CRACDL: variants seen among roughly 807,000 people sequenced by gnomAD.
CRACDL encodes CRACD-like protein.
Under a neutral mutation model 70.6 loss-of-function variants are expected in CRACDL, and 26 were observed. That is an observed-to-expected ratio of 0.37 (90% confidence interval 0.27 to 0.51). CRACDL has a LOEUF of 0.51. CRACDL is among the 20% of genes least tolerant of loss of function. The pLI is 0.94. For missense variants in CRACDL, 1,283 were observed against 1,376.9 expected (o/e 0.93, Z 1.08); for synonymous variants, 618 against 615.2 (o/e 1.00, Z -0.07).
intron 6 of CRACDL, among the ~76,000 whole-genome samples, chr2:98,826,335 A>G (rs1705300554): frequency 6.6e-6 from 1 of 152,102 alleles, no homozygotes; most frequent in African/African-American, 2.4e-5. Context: ...TAATTCACTC[A>G]TTTGTTTGTT....
Position 98,930,532 on chromosome 2 carries a change from C to T in CRACDL, c.-11+5406G>A, listed in dbSNP as rs1257920342. 3.4e-5 allele frequency among the ~76,000 whole-genome samples: 5 copies of T among 146,684 alleles called. 1 individual carries two copies. The highest frequency in any genetic ancestry group is 1.3e-4 in the African/African-American group (5 of 39,322). On this transcript the variant is annotated intron_variant, in intron 1 of 9. Coordinates refer to ENST00000397899, the MANE Select transcript of CRACDL (RefSeq NM_207362.3). ...TCCATCCCCATCCCCACCCTCTGTC[C>T]TGTGTCCCCTACTGCATCTCTGACC...
At chr2:98,881,333 G>A (rs1023634173) in intron 1 of CRACDL, among the ~76,000 whole-genome samples, 13 of 152,156 alleles carry the variant, frequency 8.5e-5, no homozygotes, top group Admixed American at 5.9e-4. Context: ...CAGGCTCCCC[G>A]CAGACTGGGG....
intron 1 of CRACDL, among the ~76,000 whole-genome samples, chr2:98,934,409 G>T (rs796127587): frequency 4.6e-5 from 7 of 151,838 alleles, no homozygotes; most frequent in Non-Finnish European, 7.4e-5. Context: ...TGGCCAGACT[G>T]GTCACGAACT....
chr2:98,817,022 A>T (rs1704810095), intron 7 of CRACDL, among the ~76,000 whole-genome samples: 1 of 152,244 alleles, frequency 6.6e-6, no homozygotes, highest in African/African-American at 2.4e-5. Flanking sequence ...ATTCAGCCTT[A>T]AAAAGGAAGG....
chr2:98,897,219 T>TGAC (rs1379673190), intron 1 of CRACDL, among the ~76,000 whole-genome samples: 4 of 152,224 alleles, frequency 2.6e-5, no homozygotes, highest in Non-Finnish European at 5.9e-5. Flanking sequence ...TATGTAACAT[T>TGAC]TTGAGACTGG....
chr2:98,928,113 A>C (rs1204695492), intron 1 of CRACDL, among the ~76,000 whole-genome samples: 1 of 152,060 alleles, frequency 6.6e-6, no homozygotes, highest in East Asian at 1.9e-4. Flanking sequence ...TGAACCCAGG[A>C]GGTGGAGGTT....
At chr2:98,928,550 G>A (rs1053989306) in intron 1 of CRACDL, among the ~76,000 whole-genome samples, 2 of 152,046 alleles carry the variant, frequency 1.3e-5, no homozygotes, top group East Asian at 1.9e-4. Flanking sequence ...GGCCATGTCT[G>A]GTCTATAGGG....
At chr2:98,796,426 C>A (rs957248814) in intron 8 of CRACDL, among the ~76,000 whole-genome samples, 162 bp from the exon 9 acceptor site, 4 of 152,252 alleles carry the variant, frequency 2.6e-5, no homozygotes, top group Non-Finnish European at 5.9e-5. Flanking sequence ...ACCGAGTGGT[C>A]AGATGCTGGC....
At chr2:98,863,836 T>C (rs1391820056) in intron 1 of CRACDL, among the ~76,000 whole-genome samples, 1 of 152,172 alleles carries the variant, frequency 6.6e-6, no homozygotes, top group Non-Finnish European at 1.5e-5. Context: ...AGATTCCACC[T>C]ATATGAGGTA....
intron 8 of CRACDL, among the ~76,000 whole-genome samples, chr2:98,796,824 G>T (rs1703843431): frequency 6.6e-6 from 1 of 152,120 alleles, no homozygotes; most frequent in African/African-American, 2.4e-5. Flanking sequence ...TGTTTGGGTT[G>T]GTGAAAGCTG....
At chr2:98,807,666 C>T (rs1442670824) in intron 7 of CRACDL, among the ~76,000 whole-genome samples, 1 of 152,214 alleles carries the variant, frequency 6.6e-6, no homozygotes, top group African/African-American at 2.4e-5. Context: ...TTCTTATTTA[C>T]TAAATAGAAT....
chr2:98,839,567 G>T lies in CRACDL; in HGVS notation c.71-1280C>A, dbSNP rs189297373. Among the ~76,000 whole-genome samples the T allele has an allele frequency of 4.7e-3, 714 of 152,242 alleles. 1 individual carries two copies. The highest frequency in any genetic ancestry group is 0.015 in the African/African-American group (636 of 41,532). On this transcript the variant is annotated intron_variant, in intron 2 of 9. Coordinates refer to ENST00000397899, the MANE Select transcript of CRACDL (RefSeq NM_207362.3). ...AAAAATGCTGCTTACAGCATTAATG[G>T]TCTCCTCAAGTGTAACTGGCAGAGC...
chr2:98,807,918 C>G (rs1409600141), intron 7 of CRACDL, among the ~76,000 whole-genome samples: 2 of 152,150 alleles, frequency 1.3e-5, no homozygotes, highest in Non-Finnish European at 2.9e-5. Context: ...AGAGTCTCAG[C>G]AAGATGCTAT....
chr2:98,823,548 T>G lies in CRACDL; in HGVS notation c.736-11A>C. Reference sequence around the variant, plus strand: ...TTCAGACTGAGCGCGCTGAGAGAAATAAAGATAAAAAGCATCGTCGCTATA... The same window carrying G: ...TTCAGACTGAGCGCGCTGAGAGAAAGAAAGATAAAAAGCATCGTCGCTATA... On this transcript the variant is annotated splice_polypyrimidine_tract_variant and intron_variant, in intron 6 of 9. Coordinates refer to ENST00000397899, the MANE Select transcript of CRACDL (RefSeq NM_207362.3). The surrounding 1 kb of genome is among the most constrained non-coding windows in gnomAD (Gnocchi z 4.0). 2 of 1,558,194 alleles carry G rather than the reference T, an allele frequency of 1.3e-6. No individual in the cohort carries two copies. Among genetic ancestry groups the G allele is most frequent in the Non-Finnish European group, 1.7e-6 (2 of 1,159,368 alleles).
At chr2:98,889,331 GAAAGA>G (rs1558624652) in intron 1 of CRACDL, among the ~76,000 whole-genome samples, 3 of 104,208 alleles carry the variant, frequency 2.9e-5, no homozygotes, top group Non-Finnish European at 3.9e-5. Context: ...AAGAAAGAAA[GAAAGA>G]AAGAAAGGAA....
intron 1 of CRACDL, among the ~76,000 whole-genome samples, chr2:98,866,468 A>ACTT (rs201619236): frequency 2.0e-5 from 2 of 99,686 alleles, no homozygotes; most frequent in African/African-American, 4.7e-5. Flanking sequence ...TGAAACAATC[A>ACTT]CTTCTTCTTT....
At chr2:98,916,309 A>G (rs1708664584) in intron 1 of CRACDL, among the ~76,000 whole-genome samples, 1 of 152,216 alleles carries the variant, frequency 6.6e-6, no homozygotes, top group Admixed American at 6.5e-5. Context: ...ATAGGGATAG[A>G]GAGTGGACCA....
chr2:98,885,334 C>T (rs1363514947), intron 1 of CRACDL, among the ~76,000 whole-genome samples: 4 of 152,172 alleles, frequency 2.6e-5, no homozygotes, highest in Non-Finnish European at 4.4e-5. Flanking sequence ...TAACTTATGC[C>T]GAGGAGCTGC....
At chr2:98,923,890 C>CA (rs1309191782) in intron 1 of CRACDL, among the ~76,000 whole-genome samples, 7 of 152,192 alleles carry the variant, frequency 4.6e-5, no homozygotes, top group African/African-American at 1.7e-4. Flanking sequence ...TTTACAAAAG[C>CA]AAACACCATG....
Sources: gnomAD v4.1 joint callset for allele counts (sites outside exome capture counted in the v4.1 genomes callset) on GRCh38, gnomAD v4.1.1 for gene constraint, Gnocchi (gnomAD v3.1) non-coding constraint, MANE v1.5 for transcripts, NCBI Gene and HGNC (gene_info 2026-07-23, HGNC 2026-07-21) for gene names.